KIFAP3: variants seen among roughly 807,000 people sequenced by gnomAD.
KIFAP3 encodes kinesin associated protein 3, also known as kinesin-associated protein 3.
In KIFAP3, 68 loss-of-function variants were observed where a neutral mutation model predicts 106.5. The observed-to-expected ratio is 0.64, with a 90% confidence interval of 0.53 to 0.78. The LOEUF (loss-of-function observed/expected upper bound fraction) is 0.78. Among genes scored for constraint, KIFAP3 ranks in the 30% least tolerant of loss-of-function variants. The probability of loss-of-function intolerance (pLI) is 0.00; values close to 1 mark genes in which losing one functional copy is unlikely to be tolerated. For missense variants in KIFAP3, 780 were observed against 941.8 expected, an observed-to-expected ratio of 0.83 and a Z score of 2.25; for synonymous variants, 320 against 311.5, an observed-to-expected ratio of 1.03 and a Z score of -0.29.
intron 3 of KIFAP3, among the ~76,000 whole-genome samples, chr1:170,042,290 A>G (rs1670021222): frequency 6.6e-6 from 1 of 152,180 alleles, no homozygotes; most frequent in South Asian, 2.1e-4. Flanking sequence ...TTTCATAATC[A>G]GCAAGCAGGG....
intron 19 of KIFAP3, among the ~76,000 whole-genome samples, chr1:169,951,401 A>G (rs1474585191): frequency 6.6e-6 from 1 of 151,952 alleles, no homozygotes; most frequent in African/African-American, 2.4e-5. Context: ...AGTTTTATTA[A>G]CTAATCTTTT....
chr1:170,035,550 G>A lies in KIFAP3; in HGVS notation c.521C>T (p.Thr174Ile), dbSNP rs764623745. 6.3e-7 allele frequency: 1 copy of A among 1,592,180 alleles called. No homozygotes were observed. Among genetic ancestry groups the A allele is most frequent in the Non-Finnish European group, 8.6e-7 (1 of 1,167,964 alleles). The part of the protein sequence containing the change: ...DNLEELLLNE[T>I]ALGALARVLR... The stretch of plus-strand genomic sequence containing the variant: ...GACCCTTGCTAATGCACCAAGGGCA[G>A]TTTCTAAAGAAAAAGGAGAGGTACC... The change falls in exon 6 of 20, where the codon ACT becomes ATT. Residue 174 changes from threonine (T) to isoleucine (I), a missense_variant. Transcript: ENST00000361580.
At chr1:170,009,013 C>A (rs1668110319) in intron 10 of KIFAP3, among the ~76,000 whole-genome samples, 1 of 152,150 alleles carries the variant, frequency 6.6e-6, no homozygotes, top group Admixed American at 6.5e-5. Context: ...CAAACTAACA[C>A]AGGAACAGAA....
At chr1:169,941,001 A>G (rs1471648491) in intron 19 of KIFAP3, among the ~76,000 whole-genome samples, 4 of 151,872 alleles carry the variant, frequency 2.6e-5, no homozygotes, top group African/African-American at 9.7e-5. Flanking sequence ...TTCATGAAGA[A>G]ACTTTCTGTG....
At chr1:170,065,708 A>C (rs1022626221) in intron 1 of KIFAP3, among the ~76,000 whole-genome samples, 5 of 151,906 alleles carry the variant, frequency 3.3e-5, no homozygotes, top group African/African-American at 7.3e-5. Flanking sequence ...AATAGTCACT[A>C]GCTACATGGG....
At position 169,992,315 on chromosome 1, in the gene KIFAP3, C is replaced by T; in HGVS notation, c.1184-60G>A. On this transcript the variant is annotated intron_variant, in intron 10 of 19. Transcript: ENST00000361580. ...ATATATATTTTTTATATAGCACACT[C>T]ATGTTAATGTACTACAACTTAAACT... The T allele has an allele frequency of 7.8e-6, 6 of 765,962 alleles. No individual in the cohort carries two copies. In the South Asian group the frequency reaches 1.5e-4, roughly 20 times the overall value. 47.4% of individuals were successfully genotyped at this position (765,962 alleles called of 1,614,324 possible). A position where few individuals can be genotyped will look rare whatever the true frequency, so the allele number is the denominator to read the frequency against.
At position 170,059,868 on chromosome 1, in the gene KIFAP3, A is replaced by C. The variant is rs891724828; in HGVS notation, c.33-4432T>G. On this transcript the variant is annotated intron_variant, in intron 1 of 19. Transcript: ENST00000361580. ...AATGCAACGCTGGTTCAATATATGC[A>C]AATCAATAAACGTAATCCATCATAT... 6.6e-5 allele frequency among the ~76,000 whole-genome samples: 10 copies of C among 152,240 alleles called. No individual in the cohort carries two copies. The East Asian group carries it at 9.6e-4, about 15-fold the overall frequency.
chr1:170,029,775 A>G (rs949726369), intron 8 of KIFAP3, among the ~76,000 whole-genome samples: 1 of 152,030 alleles, frequency 6.6e-6, no homozygotes, highest in Admixed American at 6.6e-5. Flanking sequence ...GGCATCAAAA[A>G]CACACAAAAG....
At chr1:170,065,006 C>T (rs892563564) in intron 1 of KIFAP3, among the ~76,000 whole-genome samples, 1 of 152,096 alleles carries the variant, frequency 6.6e-6, no homozygotes, top group Non-Finnish European at 1.5e-5. Context: ...TGAGGAGTAT[C>T]CTTTTTTTTC....
chr1:169,940,414 C>T (rs937179014), intron 19 of KIFAP3, among the ~76,000 whole-genome samples: 1 of 152,198 alleles, frequency 6.6e-6, no homozygotes, highest in East Asian at 1.9e-4. Flanking sequence ...CCATTTAGAG[C>T]AGCAGCCCCG....
At chr1:169,944,742 G>A (rs1006433213) in intron 19 of KIFAP3, among the ~76,000 whole-genome samples, 8 of 152,260 alleles carry the variant, frequency 5.3e-5, no homozygotes, top group African/African-American at 1.9e-4. Context: ...TCTCAGCAGA[G>A]AGGAGATCTG....
chr1:169,957,259 A>G (rs1665065728), intron 18 of KIFAP3, among the ~76,000 whole-genome samples: 1 of 152,230 alleles, frequency 6.6e-6, no homozygotes, highest in Admixed American at 6.5e-5. Context: ...TTAAATGACC[A>G]GAGAACAAAC....
At chr1:169,940,821 C>G (rs139299453) in intron 19 of KIFAP3, among the ~76,000 whole-genome samples, 2 of 152,088 alleles carry the variant, frequency 1.3e-5, no homozygotes, top group Non-Finnish European at 2.9e-5. Flanking sequence ...ATTGTTTCTA[C>G]TCCTTTCCAG....
At chr1:169,976,006 T>C (rs1463565470) in intron 16 of KIFAP3, among the ~76,000 whole-genome samples, 2 of 152,132 alleles carry the variant, frequency 1.3e-5, no homozygotes, top group Non-Finnish European at 2.9e-5. Flanking sequence ...CAAAGAAAGT[T>C]ACACTGAAAA....
At chr1:170,025,928 T>C (rs1257325976) in intron 8 of KIFAP3, among the ~76,000 whole-genome samples, 2 of 152,190 alleles carry the variant, frequency 1.3e-5, no homozygotes, top group Admixed American at 1.3e-4. Context: ...ATGTGCCTTA[T>C]TTGGAAATAG....
At chr1:170,007,911 C>G (rs1668052765) in intron 10 of KIFAP3, among the ~76,000 whole-genome samples, 1 of 152,036 alleles carries the variant, frequency 6.6e-6, no homozygotes, top group Non-Finnish European at 1.5e-5. Flanking sequence ...GTACTCGTAC[C>G]AAAACAGATA....
intron 10 of KIFAP3, among the ~76,000 whole-genome samples, chr1:170,008,912 T>C (rs1226009770): frequency 3.3e-5 from 5 of 152,120 alleles, no homozygotes; most frequent in African/African-American, 1.2e-4. Flanking sequence ...ATGTGGTGCA[T>C]ATACAACATG....
intron 17 of KIFAP3, among the ~76,000 whole-genome samples, chr1:169,964,095 G>A (rs1665476926): frequency 6.6e-6 from 1 of 152,092 alleles, no homozygotes. Context: ...TATTACTGAT[G>A]TGGTCACAGT....
intron 1 of KIFAP3, among the ~76,000 whole-genome samples, chr1:170,056,670 C>T (rs1209669505): frequency 1.3e-5 from 2 of 152,120 alleles, no homozygotes; most frequent in Admixed American, 6.5e-5. Flanking sequence ...ACTAATTATG[C>T]ATATTTTTAA....
Sources: gnomAD v4.1 joint callset for allele counts (sites outside exome capture counted in the v4.1 genomes callset) on GRCh38, gnomAD v4.1.1 for gene constraint, MANE v1.5 for transcripts, NCBI Gene and HGNC (gene_info 2026-07-23, HGNC 2026-07-21) for gene names.